The following ENOX1 variants were observed in gnomAD, a reference collection of about 807,000 sequenced individuals.
The protein encoded by ENOX1 is candidate growth-related and time keeping constitutive hydroquinone (NADH) oxidase.
In ENOX1, 42 loss-of-function variants were observed where a neutral mutation model predicts 82.5. That is an observed-to-expected ratio of 0.51 (90% confidence interval 0.40 to 0.66). The LOEUF is 0.66. ENOX1 is among the 30% of genes least tolerant of loss of function. The pLI is 0.00. For missense variants in ENOX1, 608 were observed against 811.6 expected (o/e 0.75, Z 3.05); for synonymous variants, 271 against 282.2 (o/e 0.96, Z 0.40).
intron 1 of ENOX1, among the ~76,000 whole-genome samples, chr13:43,757,594 G>A (rs745831512): frequency 8.5e-5 from 13 of 152,174 alleles, no homozygotes; most frequent in South Asian, 2.1e-4. Context: ...TTAGGGAAAT[G>A]CAAATTAAAG....
chr13:43,716,268 C>T (rs2088125199), intron 1 of ENOX1, among the ~76,000 whole-genome samples: 1 of 152,112 alleles, frequency 6.6e-6, no homozygotes, highest in Non-Finnish European at 1.5e-5. Context: ...TGTTAGTTTT[C>T]CTTCTAACAG....
chr13:43,702,925 C>A (rs1208638368), intron 1 of ENOX1, among the ~76,000 whole-genome samples: 3 of 120,630 alleles, frequency 2.5e-5, no homozygotes, highest in African/African-American at 9.3e-5. Flanking sequence ...TGCACTCCAG[C>A]CTGGGCAACA....
At chr13:43,681,151 T>A (rs1169234670) in intron 1 of ENOX1, among the ~76,000 whole-genome samples, 3 of 152,180 alleles carry the variant, frequency 2.0e-5, no homozygotes, top group African/African-American at 7.2e-5. Flanking sequence ...CTACCACACT[T>A]TTGTCCTAAC....
intron 11 of ENOX1, among the ~76,000 whole-genome samples, chr13:43,315,301 G>A (rs1200362723): frequency 6.6e-6 from 1 of 152,224 alleles, no homozygotes; most frequent in Admixed American, 6.5e-5. Flanking sequence ...CCTACTGAAA[G>A]TGTTTTCTAT....
chr13:43,287,704 TA>T (rs1335524970), intron 12 of ENOX1, among the ~76,000 whole-genome samples: 1 of 152,162 alleles, frequency 6.6e-6, no homozygotes, highest in Non-Finnish European at 1.5e-5. Context: ...TCAAAACTGC[TA>T]AAAAACATAT....
intron 3 of ENOX1, among the ~76,000 whole-genome samples, chr13:43,422,257 C>A (rs1305074757): frequency 6.6e-6 from 1 of 152,170 alleles, no homozygotes; most frequent in African/African-American, 2.4e-5. Flanking sequence ...TGATGTTCTC[C>A]TTTTGTGAGA....
chr13:43,704,823 A>G (rs1441158993), intron 1 of ENOX1, among the ~76,000 whole-genome samples: 1 of 152,214 alleles, frequency 6.6e-6, no homozygotes, highest in Admixed American at 6.5e-5. Context: ...GCTAATAATT[A>G]TTATCTTGAA....
chr13:43,594,618 T>C (rs2081382551), intron 2 of ENOX1, among the ~76,000 whole-genome samples: 1 of 152,046 alleles, frequency 6.6e-6, no homozygotes, highest in South Asian at 2.1e-4. Flanking sequence ...TCTCACTGAA[T>C]TTTCACAACA....
chr13:43,418,253 C>T (rs564028756), intron 3 of ENOX1, among the ~76,000 whole-genome samples: 21 of 148,366 alleles, frequency 1.4e-4, no homozygotes, highest in East Asian at 4.1e-4. Context: ...TAAGGCTGGG[C>T]GCAGTGGCTC....
chr13:43,278,508 CAATG>C (rs1354568682), intron 12 of ENOX1, among the ~76,000 whole-genome samples: 2 of 152,106 alleles, frequency 1.3e-5, no homozygotes, highest in Non-Finnish European at 1.5e-5. Context: ...AAATTTAAAA[CAATG>C]AAACATTTTT....
chr13:43,430,723 A>G (rs919036931), intron 3 of ENOX1, among the ~76,000 whole-genome samples: 3 of 152,232 alleles, frequency 2.0e-5, no homozygotes, highest in Non-Finnish European at 4.4e-5. Flanking sequence ...AATGATACCA[A>G]GTGCAAAAAA....
At chr13:43,666,722 A>C (rs1241721143) in intron 2 of ENOX1, among the ~76,000 whole-genome samples, 1 of 152,206 alleles carries the variant, frequency 6.6e-6, no homozygotes, top group Non-Finnish European at 1.5e-5. Flanking sequence ...AGACTAATAC[A>C]GACTGGGTCA....
chr13:43,475,882 G>A (rs989673682), intron 3 of ENOX1, among the ~76,000 whole-genome samples: 3 of 149,550 alleles, frequency 2.0e-5, no homozygotes, highest in Non-Finnish European at 4.4e-5. Context: ...AAGATATACA[G>A]CTCTTAAAAT....
At chr13:43,542,779 C>A (rs1468568687) in intron 2 of ENOX1, among the ~76,000 whole-genome samples, 1 of 152,168 alleles carries the variant, frequency 6.6e-6, no homozygotes, top group Non-Finnish European at 1.5e-5. Context: ...CAATACTGTA[C>A]ACTGGGTGGC....
chr13:43,628,253 A>T (rs1041701530), intron 2 of ENOX1, among the ~76,000 whole-genome samples: 5 of 152,084 alleles, frequency 3.3e-5, no homozygotes, highest in African/African-American at 1.2e-4. Context: ...GTTTTGTTAT[A>T]ATCCCACAGG....
At chr13:43,472,277 A>C (rs549559298) in intron 3 of ENOX1, among the ~76,000 whole-genome samples, 39 of 152,332 alleles carry the variant, frequency 2.6e-4, no homozygotes, top group Non-Finnish European at 4.1e-4. Context: ...CCACAAAAAT[A>C]AAACTTCCTG....
chr13:43,709,674 T>C (rs1299224700), intron 1 of ENOX1, among the ~76,000 whole-genome samples: 10 of 152,032 alleles, frequency 6.6e-5, no homozygotes, highest in Admixed American at 6.6e-4. Flanking sequence ...AAATTATACA[T>C]AGTTCAAGAA....
intron 2 of ENOX1, among the ~76,000 whole-genome samples, chr13:43,614,932 G>A (rs1280247469): frequency 6.6e-6 from 1 of 152,118 alleles, no homozygotes; most frequent in Non-Finnish European, 1.5e-5. Context: ...ATCAGAACAT[G>A]CATTTTAACA....
intron 2 of ENOX1, among the ~76,000 whole-genome samples, chr13:43,491,127 C>T (rs975024700): frequency 1.3e-5 from 2 of 152,128 alleles, no homozygotes. Flanking sequence ...TGGTGGAAGG[C>T]AAATGGGAGC....
Sources: allele counts gnomAD v4.1 joint callset (sites outside exome capture counted in the v4.1 genomes callset), GRCh38; gene constraint gnomAD v4.1.1; transcripts MANE v1.5; gene names NCBI Gene and HGNC (gene_info 2026-07-23, HGNC 2026-07-21).